Variants in SNX4 observed in about 807,000 individuals in gnomAD.
The protein encoded by SNX4 is sorting nexin-4.
In SNX4, 49 loss-of-function variants were observed where a neutral mutation model predicts 70.8. That is an observed-to-expected ratio of 0.69 (90% CI 0.55 to 0.88). The LOEUF (loss-of-function observed/expected upper bound fraction) is 0.88. Among genes scored for constraint, SNX4 ranks in the 40% least tolerant of loss-of-function variants. SNX4 has a pLI of 0.00. For missense variants in SNX4, 528 were observed against 544.8 expected, an observed-to-expected ratio of 0.97 and a Z score of 0.31; for synonymous variants, 206 against 183.8, an observed-to-expected ratio of 1.12 and a Z score of -0.98.
chr3:125,450,289 T>C (rs541439696), intron 13 of SNX4, among the ~76,000 whole-genome samples: 8 of 152,342 alleles, frequency 5.3e-5, no homozygotes, highest in African/African-American at 1.9e-4. Flanking sequence ...CAGTAACTTA[T>C]AATTCACTGA....
chr3:125,482,129 A>G (rs1934424828), intron 6 of SNX4, among the ~76,000 whole-genome samples: 1 of 152,176 alleles, frequency 6.6e-6, no homozygotes, highest in East Asian at 1.9e-4. Flanking sequence ...TCAGTCTTTC[A>G]ATCTATACAT....
At chr3:125,496,131 G>C (rs906390210) in intron 5 of SNX4, among the ~76,000 whole-genome samples, 1 of 152,058 alleles carries the variant, frequency 6.6e-6, no homozygotes, top group Non-Finnish European at 1.5e-5. Flanking sequence ...CTCTACAAAA[G>C]AAAAATTTTA....
At position 125,473,444 on chromosome 3, in the gene SNX4, C is replaced by G. The variant is rs148590121; in HGVS notation, c.788+3251G>C. ...TTTTGTTTTTTTTTTGAGATGGAGT[C>G]TTGCTCTGTCACCCAGGCTGGAGTG... On this transcript the variant is annotated intron_variant, in intron 8 of 13. Coordinates refer to ENST00000251775, the MANE Select transcript of SNX4 (RefSeq NM_003794.4). Among the ~76,000 whole-genome samples, 18 of 151,852 alleles carry G rather than the reference C, an allele frequency of 1.2e-4. No individual in the cohort carries two copies. The East Asian group carries it at 3.5e-3, about 29-fold the overall frequency.
rs867482740 is a variant in SNX4, at chr3:125,498,169, T to C, written c.289A>G (p.Ser97Gly). The C allele has an allele frequency of 3.5e-5, 56 of 1,613,998 alleles. 2 individuals carry two copies. In the Middle Eastern group the frequency reaches 8.9e-3, roughly 257 times the overall value. The change falls in exon 3 of 14, where the codon AGT (serine) becomes GGT (glycine). Residue 97 changes from serine to glycine, a missense_variant. This residue lies in a region of SNX4 where 341 missense variants were observed against 312.2 expected (regional missense o/e 1.09). Transcript: ENST00000251775. ...TRSVEHTDGQ[S>G]VLTDSLWRRY... ...CGCCATAGTGAGTCTGTTAGGACAC[T>C]CTGACCATCGGTATGTTCAACTGAC...
At chr3:125,470,422 C>T (rs1465481707) in intron 8 of SNX4, among the ~76,000 whole-genome samples, 1 of 150,212 alleles carries the variant, frequency 6.7e-6, no homozygotes, top group Non-Finnish European at 1.5e-5. Context: ...TCCAACATAT[C>T]ATAAAAAATA....
intron 10 of SNX4, 29 bp downstream of exon 10, chr3:125,460,742 G>T: frequency 8.8e-7 from 1 of 1,135,606 alleles, no homozygotes; most frequent in Non-Finnish European, 1.3e-6. Context: ...CAACCCTGTG[G>T]CTGCACCTGG....
chr3:125,468,237 C>G (rs980190873), intron 9 of SNX4, among the ~76,000 whole-genome samples: 2 of 152,146 alleles, frequency 1.3e-5, no homozygotes, highest in South Asian at 2.1e-4. Context: ...AAATCAATGC[C>G]TACTTAAGGG....
intron 6 of SNX4, among the ~76,000 whole-genome samples, chr3:125,483,215 G>A (rs888236569): frequency 2.6e-5 from 4 of 151,198 alleles, no homozygotes; most frequent in African/African-American, 9.7e-5. Flanking sequence ...CTTTCTTTAC[G>A]TAGAGCCAGT....
intron 6 of SNX4, among the ~76,000 whole-genome samples, chr3:125,482,343 C>CT (rs1384156151): frequency 6.6e-6 from 1 of 152,192 alleles, no homozygotes; most frequent in Non-Finnish European, 1.5e-5. Flanking sequence ...CTCCCTTGCA[C>CT]TCTAAAGAAT....
At chr3:125,459,400 T>G (rs549163195) in intron 10 of SNX4, among the ~76,000 whole-genome samples, 1 of 152,236 alleles carries the variant, frequency 6.6e-6, no homozygotes, top group Admixed American at 6.5e-5. Flanking sequence ...TTAATCCCTT[T>G]TATAATTTTT....
intron 5 of SNX4, among the ~76,000 whole-genome samples, chr3:125,495,267 T>TATATATATATATATATATATAC (rs1559821318): frequency 1.4e-5 from 1 of 71,122 alleles, no homozygotes; most frequent in East Asian, 4.4e-4. Flanking sequence ...TATATATATA[T>TATATATATATATATATATATAC]ATATATATAT....
At chr3:125,511,765 G>A (rs754748019) in intron 1 of SNX4, among the ~76,000 whole-genome samples, 5 of 152,056 alleles carry the variant, frequency 3.3e-5, no homozygotes, top group Admixed American at 3.3e-4. Context: ...ATTATAATTG[G>A]AGTGTTTTAT....
chr3:125,512,666 A>C (rs1935194012), intron 1 of SNX4, among the ~76,000 whole-genome samples: 1 of 152,132 alleles, frequency 6.6e-6, no homozygotes. Context: ...TTTATTTTTA[A>C]ATATTATGCG....
intron 1 of SNX4, 100 bp from the exon 2 acceptor site, chr3:125,504,844 A>G: frequency 5.4e-6 from 7 of 1,290,790 alleles, no homozygotes; most frequent in Non-Finnish European, 7.2e-6. Flanking sequence ...TTGGGTTTAT[A>G]TATTTCAAAA....
At chr3:125,458,821 A>C (rs1933799123) in intron 10 of SNX4, among the ~76,000 whole-genome samples, 1 of 72,624 alleles carries the variant, frequency 1.4e-5, no homozygotes, top group African/African-American at 5.9e-5. Context: ...TCTCAAAAAA[A>C]AAAAAAAAAA....
intron 6 of SNX4, among the ~76,000 whole-genome samples, chr3:125,482,937 T>C (rs1934447805): frequency 6.6e-6 from 1 of 152,084 alleles, no homozygotes; most frequent in South Asian, 2.1e-4. Flanking sequence ...AATGTACACT[T>C]GCATTTGTAG....
At chr3:125,515,062 A>G (rs1308837267) in intron 1 of SNX4, among the ~76,000 whole-genome samples, 1 of 152,240 alleles carries the variant, frequency 6.6e-6, no homozygotes, top group Non-Finnish European at 1.5e-5. Context: ...TCACATATTA[A>G]AGTATGTGTA....
intron 9 of SNX4, among the ~76,000 whole-genome samples, chr3:125,461,793 C>G (rs917580926): frequency 2.0e-5 from 3 of 152,022 alleles, no homozygotes; most frequent in Non-Finnish European, 4.4e-5. Flanking sequence ...TCCCAAGTAG[C>G]TGGGACTACA....
chr3:125,495,298 G>GT (rs1377180299), intron 5 of SNX4, among the ~76,000 whole-genome samples: 1 of 42,380 alleles, frequency 2.4e-5, no homozygotes, highest in Non-Finnish European at 7.0e-5. Context: ...ACACACACAC[G>GT]TATGTTATTT....
Sources: allele counts gnomAD v4.1 joint callset (sites outside exome capture counted in the v4.1 genomes callset), GRCh38; gene constraint gnomAD v4.1.1; regional missense constraint gnomAD v4.1.1; transcripts MANE v1.5; gene names NCBI Gene and HGNC (gene_info 2026-07-23, HGNC 2026-07-21).